The following MED23 variants were observed in gnomAD, a reference collection of about 807,000 sequenced individuals.
MED23 encodes the protein mediator of RNA polymerase II transcription subunit 23.
In MED23, 105 loss-of-function variants were observed where a neutral mutation model predicts 163.9. That is an observed-to-expected ratio of 0.64 (90% confidence interval 0.55 to 0.75). The LOEUF (loss-of-function observed/expected upper bound fraction) is 0.75, where lower values mean the gene tolerates loss of function less well. Ranked by LOEUF, MED23 falls within the 30% of genes least tolerant of loss-of-function variation. MED23 has a pLI of 0.00. For missense variants in MED23, 1,054 were observed against 1,649.0 expected (o/e 0.64, Z 6.25); for synonymous variants, 561 against 565.6 (o/e 0.99, Z 0.12).
chr6:131,583,513 TAGAG>T, downstream of MED23: 26 of 1,613,628 alleles, frequency 1.6e-5, no homozygotes, highest in Non-Finnish European at 2.2e-5. Flanking sequence ...TCTGAGGTAA[TAGAG>T]AAGCAAGTGT....
rs1357403328 is a variant in MED23, at chr6:131,589,943, T to C, written c.3808-347A>G. 2.0e-5 allele frequency among the ~76,000 whole-genome samples: 3 copies of C among 152,226 alleles called. No individual in the cohort carries two copies. In the East Asian group the frequency reaches 5.8e-4, roughly 29 times the overall value. ...GATCCTTTGGATTATACTTTCTTAG[T>C]TCCATTTGGTAGCTCTTGCTTTAAG... On this transcript the variant is annotated intron_variant, in intron 27 of 28. Transcript: ENST00000368068.
exon 31 of MED23, chr6:131,573,970 C>A: frequency 2.6e-6 from 1 of 391,116 alleles, no homozygotes. Context: ...TGCGGGTTGG[C>A]AACTCTAAAA....
downstream of MED23, among the ~76,000 whole-genome samples, chr6:131,585,476 T>C (rs566219468): frequency 7.9e-5 from 12 of 152,346 alleles, no homozygotes; most frequent in Non-Finnish European, 1.3e-4. Flanking sequence ...GAATTACTTT[T>C]AGATGGGAGC....
intron 27 of MED23, 45 bp from the exon 28 acceptor site, chr6:131,589,641 C>G (rs2114578435): frequency 6.3e-7 from 1 of 1,590,188 alleles, no homozygotes; most frequent in South Asian, 1.1e-5. Flanking sequence ...TCAAGTGATT[C>G]AGTAATTCAG....
chr6:131,593,629 A>T (rs1329467547), intron 23 of MED23, among the ~76,000 whole-genome samples: 2 of 152,200 alleles, frequency 1.3e-5, no homozygotes, highest in Non-Finnish European at 1.5e-5. Context: ...AACTGAAAAT[A>T]TAAAATCAAA....
intron 28 of MED23, 78 bp downstream of exon 28, chr6:131,589,382 CCCAAA>C: frequency 7.3e-7 from 1 of 1,377,188 alleles, no homozygotes; most frequent in South Asian, 1.3e-5. Flanking sequence ...AAAATAATCA[CCCAAA>C]CCAAAAAAGT....
Position 131,628,118 on chromosome 6 carries a change from T to C in MED23, c.-69A>G, listed in dbSNP as rs113183822. ...GGATCAGACTCGAGCTCTGGGAATA[T>C]AGGGGCAGAGGGGCGGAGACCTCTG... is the stretch of plus-strand genomic sequence containing the variant. On this transcript the variant is annotated 5_prime_UTR_variant, in exon 1 of 29. Coordinates refer to ENST00000368068, the MANE Select transcript of MED23 (RefSeq NM_004830.4). 60 of 1,576,208 alleles carry C rather than the reference T, an allele frequency of 3.8e-5. No homozygotes were observed. The highest frequency in any genetic ancestry group is 3.4e-4 in the African/African-American group (25 of 74,288).
chr6:131,586,325 G>A (rs773711085), downstream of MED23, among the ~76,000 whole-genome samples: 4 of 151,946 alleles, frequency 2.6e-5, no homozygotes, highest in African/African-American at 2.4e-5. Flanking sequence ...GCGTGAACCC[G>A]GGAGGTGGAG....
At chr6:131,625,286 C>T (rs1274612528) in intron 3 of MED23, among the ~76,000 whole-genome samples, 1 of 152,142 alleles carries the variant, frequency 6.6e-6, no homozygotes, top group Admixed American at 6.5e-5. Context: ...AAACTCTTAA[C>T]ACAGATTGTT....
At position 131,602,389 on chromosome 6, in the gene MED23, T is replaced by C. The variant is rs1775550100; in HGVS notation, c.1932-8A>G. The C allele has an allele frequency of 6.2e-7, 1 of 1,611,196 alleles. No individual in the cohort carries two copies. Among genetic ancestry groups the C allele is most frequent in the Non-Finnish European group, 8.5e-7 (1 of 1,178,754 alleles). ...AGAGCAGTGCTCTCGACACTGAAAATTGGGAGAATAAAAAGAAATGTAAAA... is the reference window on the plus strand; with the variant it reads ...AGAGCAGTGCTCTCGACACTGAAAACTGGGAGAATAAAAAGAAATGTAAAA... On this transcript the variant is annotated splice_region_variant and splice_polypyrimidine_tract_variant and intron_variant, in intron 16 of 28. Coordinates refer to ENST00000368068, the MANE Select transcript of MED23 (RefSeq NM_004830.4).
chr6:131,580,526 T>A, intron 30 of MED23, among the ~76,000 whole-genome samples: 1 of 152,202 alleles, frequency 6.6e-6, no homozygotes, highest in East Asian at 1.9e-4. Flanking sequence ...AAAACCGCAA[T>A]ACTTTTGCAC....
chr6:131,577,191 A>C lies in MED23; in HGVS notation c.4096-2896T>G, dbSNP rs138541090. Reference sequence around the variant, plus strand: ...ACATATACATAAGCATGCAAATGCAAATTTACGTATATTTTTAAAGTATGG... The same window carrying C: ...ACATATACATAAGCATGCAAATGCACATTTACGTATATTTTTAAAGTATGG... On this transcript the variant is annotated intron_variant, in intron 30 of 30. Transcript: ENST00000354577. Among the ~76,000 whole-genome samples, 50 of 152,336 alleles carry C rather than the reference A, an allele frequency of 3.3e-4. No homozygotes were observed. In the East Asian group the frequency reaches 8.5e-3, roughly 26 times the overall value.
chr6:131,582,688 G>C, downstream of MED23: 1 of 1,613,750 alleles, frequency 6.2e-7, no homozygotes. Flanking sequence ...GTGTATATTG[G>C]CTTGAGAGAC....
At chr6:131,621,084 G>C (rs1168349735) in intron 6 of MED23, among the ~76,000 whole-genome samples, 2 of 152,150 alleles carry the variant, frequency 1.3e-5, no homozygotes, top group Non-Finnish European at 2.9e-5. Context: ...TTACAGACAT[G>C]CGCCACTGCA....
At chr6:131,622,094 G>T in intron 5 of MED23, 115 bp from the exon 6 acceptor site, 1 of 698,078 alleles carries the variant, frequency 1.4e-6, no homozygotes, top group Non-Finnish European at 2.5e-6. Context: ...TAAATTTTCT[G>T]AATCAGTTAC....
downstream of MED23, chr6:131,586,590 C>A: frequency 3.6e-6 from 1 of 280,902 alleles, no homozygotes; most frequent in African/African-American, 2.3e-5. Flanking sequence ...TTCACTAGTT[C>A]TTTTTAAAAG....
intron 12 of MED23, among the ~76,000 whole-genome samples, chr6:131,607,453 G>A (rs1439864285): frequency 2.6e-5 from 4 of 152,078 alleles, no homozygotes; most frequent in Non-Finnish European, 2.9e-5. Flanking sequence ...GCTGAGGCAG[G>A]AGAATTGCTT....
intron 20 of MED23, among the ~76,000 whole-genome samples, chr6:131,597,350 C>T (rs1585481970): frequency 6.6e-6 from 1 of 151,622 alleles, no homozygotes; most frequent in South Asian, 2.1e-4. Context: ...GTGGTGGGCA[C>T]CTGTAGTCCC....
rs576256018 is a variant in MED23, at chr6:131,591,946, A to G, written c.3472-419T>C. On this transcript the variant is annotated intron_variant, in intron 25 of 28. Transcript: ENST00000368068. ...GAGGCTCTAAGCTAGCAAAGAATGA[A>G]TAGGCTTTAGAGAAGGTGATGGAAA... The G allele has an allele frequency of 3.5e-5, 8 of 231,546 alleles. No homozygotes were observed. The South Asian group carries it at 5.5e-4, about 16-fold the overall frequency. 14.3% of individuals were successfully genotyped at this position (231,546 alleles called of 1,614,324 possible).
Sources: gnomAD v4.1 joint callset for allele counts (sites outside exome capture counted in the v4.1 genomes callset) on GRCh38, gnomAD v4.1.1 for gene constraint, MANE v1.5 for transcripts, NCBI Gene and HGNC (gene_info 2026-07-23, HGNC 2026-07-21) for gene names.